HERPUD2: variants seen among roughly 807,000 people sequenced by gnomAD.
HERPUD2 encodes HERPUD family member 2.
Under a neutral mutation model 49.9 loss-of-function variants are expected in HERPUD2, and 13 were observed. The ratio of observed to expected loss-of-function variants is 0.26; its 90% CI spans 0.17 to 0.41. The LOEUF (loss-of-function observed/expected upper bound fraction) is 0.41, where lower values mean the gene tolerates loss of function less well. Ranked by LOEUF, HERPUD2 falls within the 10% of genes least tolerant of loss-of-function variation. The probability of loss-of-function intolerance (pLI) is 1.00; values close to 1 mark genes in which losing one functional copy is unlikely to be tolerated. For synonymous variants in HERPUD2, 172 were observed against 171.4 expected, an observed-to-expected ratio of 1.00 and a Z score of -0.03; for missense variants, 449 against 492.2, an observed-to-expected ratio of 0.91 and a Z score of 0.83.
intron 5 of HERPUD2, among the ~76,000 whole-genome samples, chr7:35,659,202 A>C (rs1215779853): frequency 6.6e-6 from 1 of 152,238 alleles, no homozygotes; most frequent in Non-Finnish European, 1.5e-5. Flanking sequence ...GACTATGTTA[A>C]ATAAAATTTA....
intron 5 of HERPUD2, among the ~76,000 whole-genome samples, chr7:35,646,326 C>G (rs942520647): frequency 5.3e-5 from 8 of 152,028 alleles, no homozygotes; most frequent in African/African-American, 1.2e-4. Context: ...ACTTGGGAGG[C>G]TGAGATGGTA....
intron 5 of HERPUD2, among the ~76,000 whole-genome samples, chr7:35,666,974 A>C (rs1290569154): frequency 6.6e-6 from 1 of 152,154 alleles, no homozygotes; most frequent in Non-Finnish European, 1.5e-5. Context: ...TGGGCTCTGT[A>C]CTCTTTCAAG....
At chr7:35,637,160 A>AAGAAAGAT (rs1554311472) in intron 6 of HERPUD2, among the ~76,000 whole-genome samples, 5,984 of 143,910 alleles carry the variant, frequency 0.042, 151 homozygotes, top group Non-Finnish European at 0.056. Flanking sequence ...GAAAGAAAGA[A>AAGAAAGAT]AGATAGATAG....
At chr7:35,661,281 G>A (rs552357593) in intron 5 of HERPUD2, among the ~76,000 whole-genome samples, 7 of 152,294 alleles carry the variant, frequency 4.6e-5, no homozygotes, top group Non-Finnish European at 8.8e-5. Context: ...GGTTACTGTA[G>A]CCTTGTAGTA....
chr7:35,650,675 T>A (rs762589398), intron 5 of HERPUD2, among the ~76,000 whole-genome samples: 6 of 152,108 alleles, frequency 3.9e-5, no homozygotes, highest in Admixed American at 1.3e-4. Context: ...TGAACGGTGC[T>A]ACTGAGCATT....
At chr7:35,646,117 A>G (rs1422845082) in intron 5 of HERPUD2, among the ~76,000 whole-genome samples, 1 of 152,272 alleles carries the variant, frequency 6.6e-6, no homozygotes, top group Non-Finnish European at 1.5e-5. Context: ...ATGAGCATTA[A>G]GAAAATATTG....
Position 35,686,735 on chromosome 7 carries a change from A to AAAAC in HERPUD2, c.147+7448_147+7449insGTTT, listed in dbSNP as rs1786060248. 4.2e-5 allele frequency among the ~76,000 whole-genome samples: 4 copies of AAAAC among 96,362 alleles called. 1 individual carries two copies. The highest frequency in any genetic ancestry group is 1.1e-4 in the Admixed American group (1 of 9,288). 63.2% of individuals were successfully genotyped at this position (96,362 alleles called of 152,430 possible). On this transcript the variant is annotated intron_variant, in intron 2 of 8. Transcript: ENST00000311350. ...CTCCGTCTCAAAAAAAAAAAAAAAA[A>AAAAC]AAAAAAAAAACCAAACCCATTTCCA...
intron 2 of HERPUD2, among the ~76,000 whole-genome samples, chr7:35,681,719 A>C (rs1785895617): frequency 6.6e-6 from 1 of 152,202 alleles, no homozygotes; most frequent in South Asian, 2.1e-4. Context: ...ATGCTAAGTT[A>C]AAGATAGGAG....
At position 35,671,237 on chromosome 7, in the gene HERPUD2, G is replaced by A. The variant is rs149504959; in HGVS notation, c.226-909C>T. On this transcript the variant is annotated intron_variant, in intron 3 of 8. Transcript: ENST00000311350. Reference sequence around the variant, plus strand: ...AGGGTACAACAGGCCCTTCCTTAAAGAGGCTCATGATATTGTTAAGAGGGT... The same window carrying A: ...AGGGTACAACAGGCCCTTCCTTAAAAAGGCTCATGATATTGTTAAGAGGGT... Among the ~76,000 whole-genome samples, 625 of 152,182 alleles carry A rather than the reference G, an allele frequency of 4.1e-3. 2 individuals carry two copies. The highest frequency in any genetic ancestry group is 6.9e-3 in the Non-Finnish European group (467 of 67,954).
chr7:35,667,607 T>C lies in HERPUD2; in HGVS notation c.340-19A>G, dbSNP rs1785564529. The C allele has an allele frequency of 1.3e-6, 2 of 1,575,278 alleles. No individual in the cohort carries two copies. Among genetic ancestry groups the C allele is most frequent in the African/African-American group, 1.3e-5 (1 of 74,158 alleles). On this transcript the variant is annotated intron_variant, in intron 4 of 8. Coordinates refer to ENST00000311350, the MANE Select transcript of HERPUD2 (RefSeq NM_022373.5). ...CTGAACTCTACAAATAAAAATGTAA[T>C]TTTTAAAAGGAGATTTAGTTCTTTA...
chr7:35,633,611 A>C lies in HERPUD2; in HGVS notation c.*79T>G, dbSNP rs1784821235. 2 of 1,298,580 alleles carry C rather than the reference A, an allele frequency of 1.5e-6. No individual in the cohort carries two copies. Among genetic ancestry groups the C allele is most frequent in the South Asian group, 2.9e-5 (2 of 67,932 alleles). 80.4% of individuals were successfully genotyped at this position (1,298,580 alleles called of 1,614,324 possible). ...ACATGATGATCAAAAGAAAGTTATA[A>C]ATTTTTTTGAAATTGCACTGTTATT... On this transcript the variant is annotated 3_prime_UTR_variant, in exon 9 of 9. Transcript: ENST00000311350.
At chr7:35,661,865 T>C (rs1179015405) in intron 5 of HERPUD2, among the ~76,000 whole-genome samples, 3 of 152,230 alleles carry the variant, frequency 2.0e-5, no homozygotes, top group Admixed American at 6.5e-5. Flanking sequence ...ATACCCTTTA[T>C]TGCTTTCTCT....
chr7:35,636,886 T>C (rs1784878349), intron 6 of HERPUD2, among the ~76,000 whole-genome samples: 1 of 152,112 alleles, frequency 6.6e-6, no homozygotes, highest in African/African-American at 2.4e-5. Flanking sequence ...CCCGGCACTT[T>C]GGGTGGTCAA....
intron 2 of HERPUD2, among the ~76,000 whole-genome samples, chr7:35,676,763 A>T (rs1393587110): frequency 6.6e-6 from 1 of 152,170 alleles, no homozygotes; most frequent in East Asian, 1.9e-4. Context: ...CACCCTGAAA[A>T]TCTTTCTTGC....
chr7:35,674,417 A>AG (rs1785713816), intron 2 of HERPUD2, among the ~76,000 whole-genome samples: 1 of 34,236 alleles, frequency 2.9e-5, no homozygotes, highest in Non-Finnish European at 5.4e-5. Flanking sequence ...AGAGAGAGAG[A>AG]GAGAGAGAGA....
At chr7:35,657,549 G>C (rs1227759104) in intron 5 of HERPUD2, among the ~76,000 whole-genome samples, 1 of 147,780 alleles carries the variant, frequency 6.8e-6, no homozygotes, top group Non-Finnish European at 1.5e-5. Flanking sequence ...TTGAGCCCAG[G>C]AGTATGATCA....
intron 3 of HERPUD2, among the ~76,000 whole-genome samples, chr7:35,672,272 A>G (rs1188803228): frequency 6.6e-6 from 1 of 151,894 alleles, no homozygotes; most frequent in African/African-American, 2.4e-5. Context: ...ATTGTTTAAA[A>G]AAAAAAAAGA....
intron 5 of HERPUD2, among the ~76,000 whole-genome samples, chr7:35,642,671 T>C (rs1405770357): frequency 6.6e-6 from 1 of 152,180 alleles, no homozygotes; most frequent in Non-Finnish European, 1.5e-5. Context: ...TGGATGGAGC[T>C]GGAGGTCATT....
At chr7:35,666,506 T>C (rs1452736113) in intron 5 of HERPUD2, among the ~76,000 whole-genome samples, 1 of 152,248 alleles carries the variant, frequency 6.6e-6, no homozygotes, top group Non-Finnish European at 1.5e-5. Flanking sequence ...ATATTCTCAT[T>C]TCTAGCTCCA....
Sources: gnomAD v4.1 joint callset for allele counts (sites outside exome capture counted in the v4.1 genomes callset) on GRCh38, gnomAD v4.1.1 for gene constraint, MANE v1.5 for transcripts, NCBI Gene and HGNC (gene_info 2026-07-23, HGNC 2026-07-21) for gene names.